The following PCDH15 variants were observed in gnomAD, a reference collection of about 807,000 sequenced individuals.
PCDH15 encodes the protein protocadherin related 15, also known as protocadherin-15.
In PCDH15, 129 loss-of-function variants were observed where a neutral mutation model predicts 178.5. That is an observed-to-expected ratio of 0.72 (90% confidence interval 0.63 to 0.84). The LOEUF (loss-of-function observed/expected upper bound fraction) is 0.84. Among genes scored for constraint, PCDH15 ranks in the 40% least tolerant of loss-of-function variants. PCDH15 has a pLI of 0.00. For missense variants in PCDH15, 2,230 were observed against 2,099.9 expected (o/e 1.06, Z -1.21); for synonymous variants, 800 against 732.0 (o/e 1.09, Z -1.50).
At chr10:54,640,415 ATT>A (rs1487068994) in intron 2 of PCDH15, among the ~76,000 whole-genome samples, 1 of 151,936 alleles carries the variant, frequency 6.6e-6, no homozygotes, top group East Asian at 1.9e-4. Context: ...ATACTTTTCT[ATT>A]TGTTAAATAT....
intron 8 of PCDH15, among the ~76,000 whole-genome samples, chr10:54,241,702 A>T (rs547490536): frequency 2.2e-4 from 34 of 152,232 alleles, no homozygotes; most frequent in Admixed American, 6.5e-4. Context: ...TTTGCATTTC[A>T]TTGCTGTTTG....
chr10:53,839,865 C>T (rs35231587), intron 29 of PCDH15, among the ~76,000 whole-genome samples: 7,848 of 152,204 alleles, frequency 0.052, 251 homozygotes, highest in East Asian at 0.089. Context: ...TGCTCTCCAC[C>T]TGTAAGTTAA....
chr10:54,609,507 A>C (rs2134219455), intron 2 of PCDH15, among the ~76,000 whole-genome samples: 1 of 152,170 alleles, frequency 6.6e-6, no homozygotes, highest in East Asian at 1.9e-4. Flanking sequence ...AATATCTCTT[A>C]AGAATCATAG....
rs181314174 is a variant in PCDH15 at position 54,052,503 on chromosome 10, C to T, written c.2220+14254G>A. On this transcript the variant is annotated intron_variant, in intron 18 of 37. Coordinates refer to ENST00000644397, the MANE Select transcript of PCDH15 (RefSeq NM_001384140.1). ...TGGGCCTTTAGCCCCTTTGTCTTGG[C>T]CAATTTCTCTCATTTAGAATGCATG... Among the ~76,000 whole-genome samples the T allele has an allele frequency of 4.6e-5, 7 of 152,254 alleles. No individual in the cohort carries two copies. In the East Asian group the frequency reaches 1.4e-3, roughly 29 times the overall value.
intron 21 of PCDH15, among the ~76,000 whole-genome samples, chr10:53,987,107 A>G (rs957320314): frequency 3.9e-5 from 6 of 152,196 alleles, no homozygotes. Flanking sequence ...ATCTAAATAT[A>G]TACTAGTAAA....
intron 1 of PCDH15, among the ~76,000 whole-genome samples, chr10:54,685,968 A>G (rs1028645911): frequency 1.3e-5 from 2 of 151,532 alleles, no homozygotes; most frequent in African/African-American, 2.4e-5. Context: ...GTGTTTATGT[A>G]TTTTAAATCA....
At chr10:53,992,471 C>A (rs11003973) in intron 21 of PCDH15, among the ~76,000 whole-genome samples, 1 of 152,016 alleles carries the variant, frequency 6.6e-6, no homozygotes, top group Non-Finnish European at 1.5e-5. Context: ...AGGAATGGTA[C>A]AAATAATGCT....
chr10:55,565,840 C>G (rs536899921), intron 2 of PCDH15, among the ~76,000 whole-genome samples: 3 of 151,706 alleles, frequency 2.0e-5, no homozygotes, highest in African/African-American at 7.2e-5. Flanking sequence ...GACTGAACCA[C>G]TAATAAAATA....
intron 2 of PCDH15, among the ~76,000 whole-genome samples, chr10:55,117,266 T>C (rs1032884732): frequency 1.2e-4 from 18 of 152,214 alleles, no homozygotes; most frequent in African/African-American, 4.3e-4. Context: ...AAATCATAAT[T>C]GTTCCTGTGG....
intron 1 of PCDH15, among the ~76,000 whole-genome samples, chr10:54,673,830 A>T (rs549993112): frequency 6.6e-6 from 1 of 152,312 alleles, no homozygotes; most frequent in Admixed American, 6.5e-5. Context: ...TGTCATTAAT[A>T]AAATATTTGT....
chr10:54,357,193 T>A (rs1319810309), intron 5 of PCDH15, among the ~76,000 whole-genome samples: 1 of 152,082 alleles, frequency 6.6e-6, no homozygotes, highest in Non-Finnish European at 1.5e-5. Context: ...ATAAAGGGTA[T>A]TCAATTAGGA....
At chr10:55,034,171 A>G (rs1840680976) in intron 2 of PCDH15, among the ~76,000 whole-genome samples, 1 of 152,222 alleles carries the variant, frequency 6.6e-6, no homozygotes, top group Non-Finnish European at 1.5e-5. Flanking sequence ...TAGAGTTCAG[A>G]GTGATAAATA....
chr10:54,854,261 G>A lies in PCDH15; in HGVS notation c.-29+43189C>T, dbSNP rs1055599739. Among the ~76,000 whole-genome samples the A allele has an allele frequency of 3.3e-5, 5 of 152,304 alleles. No homozygotes were observed. The East Asian group carries it at 9.7e-4, about 29-fold the overall frequency. ...ATGCCAGAAACTCCAGGGCCCCAAA[G>A]AGGGAGTCACAGCCCTGACTCAGGG... On this transcript the variant is annotated intron_variant, in intron 3 of 5. Transcript: ENST00000458638.
At chr10:54,325,406 A>G (rs549861656) in intron 7 of PCDH15, among the ~76,000 whole-genome samples, 81 of 152,186 alleles carry the variant, frequency 5.3e-4, no homozygotes, top group African/African-American at 1.9e-3. Context: ...AAGATAATAT[A>G]TTGGTGCTTA....
intron 10 of PCDH15, 46 bp downstream of exon 10, chr10:54,213,890 T>C (rs2051713251): frequency 3.3e-6 from 4 of 1,217,706 alleles, no homozygotes; most frequent in Non-Finnish European, 4.9e-6. Context: ...ATTTATCTGA[T>C]TAGCAGTTCA....
chr10:54,309,814 T>C (rs566128786), intron 8 of PCDH15, among the ~76,000 whole-genome samples: 1 of 151,858 alleles, frequency 6.6e-6, no homozygotes, highest in African/African-American at 2.4e-5. Flanking sequence ...AAAAAAATAC[T>C]GTATATCTGC....
upstream of PCDH15, among the ~76,000 whole-genome samples, chr10:55,321,140 A>C (rs1843888757): frequency 6.6e-6 from 1 of 152,024 alleles, no homozygotes; most frequent in African/African-American, 2.4e-5. Context: ...AAAGAAAAGA[A>C]AAGGAAAAGA....
At chr10:55,282,698 GAATA>G (rs1564965151) in intron 1 of PCDH15, among the ~76,000 whole-genome samples, 1 of 144,452 alleles carries the variant, frequency 6.9e-6, no homozygotes, top group Admixed American at 7.2e-5. Flanking sequence ...ATGTTTATAA[GAATA>G]AATTAATTAA....
chr10:54,197,236 C>T (rs946915008), intron 10 of PCDH15, among the ~76,000 whole-genome samples: 6 of 151,668 alleles, frequency 4.0e-5, no homozygotes, highest in African/African-American at 1.5e-4. Flanking sequence ...ATAAAAATTT[C>T]TGTTTCTAAC....
Sources: gnomAD v4.1 joint callset for allele counts (sites outside exome capture counted in the v4.1 genomes callset) on GRCh38, gnomAD v4.1.1 for gene constraint, MANE v1.5 for transcripts, NCBI Gene and HGNC (gene_info 2026-07-23, HGNC 2026-07-21) for gene names.